SEMA3A: variants seen among roughly 807,000 people sequenced by gnomAD.
The protein encoded by SEMA3A is semaphorin 3A, also known as semaphorin-3A.
In SEMA3A, 29 loss-of-function variants were observed where a neutral mutation model predicts 97.9. The ratio of observed to expected loss-of-function variants is 0.30; its 90% CI spans 0.22 to 0.40. SEMA3A has a LOEUF of 0.40. SEMA3A is among the 10% of genes least tolerant of loss of function. The pLI is 1.00. For missense variants in SEMA3A, 763 were observed against 951.3 expected, an observed-to-expected ratio of 0.80 and a Z score of 2.60; for synonymous variants, 321 against 323.7, an observed-to-expected ratio of 0.99 and a Z score of 0.09.
intron 2 of SEMA3A, among the ~76,000 whole-genome samples, chr7:84,370,025 C>T (rs1802938353): frequency 6.6e-6 from 1 of 151,182 alleles, no homozygotes; most frequent in African/African-American, 2.4e-5. Flanking sequence ...AGGATGTAGA[C>T]TGCTTTTGGA....
At chr7:83,981,541 A>T in intron 13 of SEMA3A, 63 bp from the exon 14 acceptor site, 1 of 1,314,876 alleles carries the variant, frequency 7.6e-7, no homozygotes, top group Non-Finnish European at 1.0e-6. Context: ...TTGTTCTCTT[A>T]AAAAAGAGTT....
intron 4 of SEMA3A, among the ~76,000 whole-genome samples, chr7:84,073,768 G>T (rs1483488426): frequency 2.0e-5 from 3 of 150,812 alleles, no homozygotes; most frequent in African/African-American, 7.3e-5. Context: ...CTGCAACTTG[G>T]TCAAGTCACT....
chr7:84,310,778 A>T (rs1801294027), intron 2 of SEMA3A, among the ~76,000 whole-genome samples: 3 of 152,072 alleles, frequency 2.0e-5, no homozygotes, highest in Non-Finnish European at 4.4e-5. Context: ...GAAAGATTTA[A>T]AGCTGTTATT....
chr7:84,282,277 T>C (rs187212449), intron 3 of SEMA3A, among the ~76,000 whole-genome samples: 23 of 152,330 alleles, frequency 1.5e-4, no homozygotes, highest in Middle Eastern at 6.8e-3. Context: ...GACTCTTTTT[T>C]GCATTTCCTT....
intron 1 of SEMA3A, among the ~76,000 whole-genome samples, chr7:84,492,235 C>T (rs1806752713): frequency 6.6e-6 from 1 of 152,104 alleles, no homozygotes; most frequent in Non-Finnish European, 1.5e-5. Flanking sequence ...ATTAGCACCA[C>T]ATTTCAGTTC....
At chr7:84,420,701 A>G (rs1804566169) in intron 1 of SEMA3A, among the ~76,000 whole-genome samples, 1 of 151,930 alleles carries the variant, frequency 6.6e-6, no homozygotes, top group African/African-American at 2.4e-5. Context: ...TTTAAAGTCT[A>G]TGATTTAAAG....
rs79829337 is a variant in SEMA3A at position 84,346,825 on chromosome 7, G to A, written c.-169+24999C>T. Among the ~76,000 whole-genome samples the A allele has an allele frequency of 0.011, 1,606 of 152,274 alleles. 45 individuals carry two copies. The East Asian group carries it at 0.11, about 11-fold the overall frequency. On this transcript the variant is annotated intron_variant, in intron 2 of 3. Transcript: ENST00000424555. ...GAGAACATGGTGTTGGAAAAATGGT[G>A]CCAAACGTTGCTTAACGCAGGGTTG... is the stretch of plus-strand genomic sequence containing the variant.
intron 1 of SEMA3A, among the ~76,000 whole-genome samples, chr7:84,485,562 G>A (rs962989875): frequency 2.0e-5 from 3 of 151,852 alleles, no homozygotes; most frequent in Non-Finnish European, 4.4e-5. Context: ...TTTTGTAGAG[G>A]TGGGGTTTCA....
At chr7:84,013,722 C>A (rs941105927) in intron 7 of SEMA3A, among the ~76,000 whole-genome samples, 2 of 152,114 alleles carry the variant, frequency 1.3e-5, no homozygotes, top group Non-Finnish European at 2.9e-5. Context: ...TGGCAGGTGC[C>A]TGTAATCCCA....
chr7:84,037,598 A>G (rs1241427937), intron 6 of SEMA3A, among the ~76,000 whole-genome samples: 3 of 152,168 alleles, frequency 2.0e-5, no homozygotes, highest in South Asian at 2.1e-4. Flanking sequence ...TTATGCTATT[A>G]GCCTACGTTA....
At chr7:84,264,615 C>A (rs549748506) in intron 3 of SEMA3A, among the ~76,000 whole-genome samples, 3 of 152,240 alleles carry the variant, frequency 2.0e-5, no homozygotes, top group Admixed American at 6.5e-5. Context: ...AAACTGAAAT[C>A]AATGCCCTGG....
At chr7:84,015,089 GCT>G (rs1484217738) in intron 6 of SEMA3A, among the ~76,000 whole-genome samples, 1 of 151,908 alleles carries the variant, frequency 6.6e-6, no homozygotes, top group African/African-American at 2.4e-5. Context: ...ATGAACCTCC[GCT>G]CTCTCACTCC....
At chr7:84,466,409 G>A (rs1368554943) in intron 1 of SEMA3A, among the ~76,000 whole-genome samples, 1 of 152,040 alleles carries the variant, frequency 6.6e-6, no homozygotes, top group Non-Finnish European at 1.5e-5. Flanking sequence ...CTGACCTCAG[G>A]TGATCCACCC....
intron 3 of SEMA3A, among the ~76,000 whole-genome samples, chr7:84,221,316 T>C (rs976806968): frequency 2.6e-5 from 4 of 152,130 alleles, no homozygotes; most frequent in African/African-American, 4.8e-5. Context: ...TCCAGACCAC[T>C]AACATTTGCT....
rs543736541 is a variant in SEMA3A, at chr7:84,425,878, C to CACACACACACA, written c.-245-53979_-245-53978insTGTGTGTGTGT. On this transcript the variant is annotated intron_variant, in intron 1 of 3. Coordinates refer to the SEMA3A transcript ENST00000424555. ...AACACACACACACACACACACACAC[C>CACACACACACA]CACACACACACTACTCAGTCTTAAA... 1.8e-3 allele frequency among the ~76,000 whole-genome samples: 84 copies of CACACACACACA among 45,778 alleles called. 1 individual carries two copies. Among genetic ancestry groups the CACACACACACA allele is most frequent in the African/African-American group, 0.013 (81 of 6,416 alleles). 30.0% of individuals were successfully genotyped at this position (45,778 alleles called of 152,430 possible). A position where few individuals can be genotyped will look rare whatever the true frequency, so the allele number is the denominator to read the frequency against.
intron 7 of SEMA3A, 102 bp from the exon 8 acceptor site, chr7:84,011,399 C>T (rs1790867008): frequency 1.3e-6 from 1 of 769,336 alleles, no homozygotes; most frequent in Non-Finnish European, 2.2e-6. Context: ...AATACAGTTT[C>T]TCATGTTTTA....
rs571695839 is a variant in SEMA3A, at chr7:83,961,174, G to A, written c.*197C>T. 1.7e-6 allele frequency: 1 copy of A among 590,168 alleles called. No individual in the cohort carries two copies. Among genetic ancestry groups the A allele is most frequent in the East Asian group, 2.9e-5 (1 of 34,776 alleles). The allele number at this position is 590,168 out of a possible 1,614,324, so 36.6% of individuals were successfully genotyped here. A position where few individuals can be genotyped will look rare whatever the true frequency, so the allele number is the denominator to read the frequency against. On this transcript the variant is annotated 3_prime_UTR_variant, in exon 17 of 17. Transcript: ENST00000265362. ...CATTCACCTGTGTTCTCTGTTAGGTGGTGGTATTAGGAAAAAAAGCCTATT... is the reference window on the plus strand; with the variant it reads ...CATTCACCTGTGTTCTCTGTTAGGTAGTGGTATTAGGAAAAAAAGCCTATT...
At chr7:84,064,391 A>C (rs1475936570) in intron 4 of SEMA3A, among the ~76,000 whole-genome samples, 1 of 152,220 alleles carries the variant, frequency 6.6e-6, no homozygotes, top group East Asian at 1.9e-4. Flanking sequence ...GTAACATCAT[A>C]ATGACAGGAT....
At chr7:84,267,184 C>G (rs915483380) in intron 3 of SEMA3A, among the ~76,000 whole-genome samples, 6 of 152,034 alleles carry the variant, frequency 3.9e-5, no homozygotes, top group Non-Finnish European at 2.9e-5. Context: ...ATTTGAGATG[C>G]TAAACCAGTA....
Sources: allele counts gnomAD v4.1 joint callset (sites outside exome capture counted in the v4.1 genomes callset), GRCh38; gene constraint gnomAD v4.1.1; transcripts MANE v1.5; gene names NCBI Gene and HGNC (gene_info 2026-07-23, HGNC 2026-07-21).